PCID2: variants seen among roughly 807,000 people sequenced by gnomAD.
The protein encoded by PCID2 is PCI domain containing 2.
Under a neutral mutation model 61.3 loss-of-function variants are expected in PCID2, and 41 were observed. The ratio of observed to expected loss-of-function variants is 0.67; its 90% CI spans 0.52 to 0.87. The LOEUF (loss-of-function observed/expected upper bound fraction) is 0.87. PCID2 is among the 40% of genes least tolerant of loss of function. The pLI is 0.00. For missense variants in PCID2, 392 were observed against 493.4 expected (o/e 0.79, Z 1.95); for synonymous variants, 187 against 177.8 (o/e 1.05, Z -0.41).
intron 13 of PCID2, chr13:113,178,581 A>G (rs1245962011): frequency 2.5e-6 from 1 of 393,338 alleles, no homozygotes; most frequent in African/African-American, 2.0e-5. Flanking sequence ...ACAATACAGT[A>G]CAACAGCTAT....
chr13:113,171,932 A>G, the PCID2 span: 11 of 1,613,630 alleles, frequency 6.8e-6, no homozygotes, highest in Non-Finnish European at 9.3e-6. The surrounding 1 kb of genome is among the most constrained non-coding windows in gnomAD (Gnocchi z 5.1). Context: ...CTGTGAGAGA[A>G]GCAGCGTGGC....
At chr13:113,197,106 C>T in intron 4 of PCID2, 72 bp downstream of exon 4, 14 of 1,614,120 alleles carry the variant, frequency 8.7e-6, no homozygotes, top group South Asian at 1.1e-5. Context: ...CCAGTGTTTC[C>T]GGGTCTCAAG....
chr13:113,174,596 T>A (rs73579001), downstream of PCID2, among the ~76,000 whole-genome samples: 1 of 152,154 alleles, frequency 6.6e-6, no homozygotes, highest in African/African-American at 2.4e-5. Context: ...CTGGGCTCAA[T>A]TGACCCTCCC....
chr13:113,185,741 T>G (rs2038052698), intron 7 of PCID2, 181 bp from the exon 8 acceptor site: 15 of 482,162 alleles, frequency 3.1e-5, no homozygotes, highest in Non-Finnish European at 4.4e-5. Context: ...TGAAAAAAGA[T>G]GTCTTACCTG....
intron 5 of PCID2, among the ~76,000 whole-genome samples, chr13:113,195,623 C>T (rs1302844407): frequency 3.3e-5 from 5 of 151,556 alleles, no homozygotes; most frequent in South Asian, 4.2e-4. Context: ...GCCAAGACTG[C>T]GCCACTGCAC....
Position 113,208,582 on chromosome 13 carries a change from C to A in PCID2, c.36+17G>T, listed in dbSNP as rs771091575. 1.5e-5 allele frequency: 24 copies of A among 1,607,056 alleles called. No individual in the cohort carries two copies. In the South Asian group the frequency reaches 2.7e-4, roughly 18 times the overall value. ...AGGGCCAACCACGCCGCCGCGCGCT[C>A]CCCGGCTAGGACCCACCTGCTGCAG... is the stretch of plus-strand genomic sequence containing the variant. On this transcript the variant is annotated intron_variant, in intron 1 of 13. Coordinates refer to ENST00000337344, the MANE Select transcript of PCID2 (RefSeq NM_001127202.4).
intron 1 of PCID2, among the ~76,000 whole-genome samples, chr13:113,206,685 A>T (rs2039865362): frequency 6.6e-6 from 1 of 152,254 alleles, no homozygotes; most frequent in African/African-American, 2.4e-5. Context: ...AATATTCAAG[A>T]ATCTGTTAAT....
At chr13:113,194,271 G>A (rs2038840269) in intron 6 of PCID2, among the ~76,000 whole-genome samples, 1 of 152,194 alleles carries the variant, frequency 6.6e-6, no homozygotes, top group Non-Finnish European at 1.5e-5. Flanking sequence ...GTTCTGTCTT[G>A]CTGGATTGGA....
At chr13:113,166,132 C>T in the PCID2 span, 1 of 152,242 alleles carries the variant, frequency 6.6e-6, no homozygotes, top group Non-Finnish European at 1.5e-5. Flanking sequence ...CTGAGTATAT[C>T]CTTCAGAACA....
Position 113,177,939 on chromosome 13 carries a change from TCAAAGA to T in PCID2, c.*253_*258del. The T allele has an allele frequency of 3.3e-6, 1 of 301,774 alleles. No homozygotes were observed. Among genetic ancestry groups the T allele is most frequent in the South Asian group, 5.1e-5 (1 of 19,786 alleles). The allele number at this position is 301,774 out of a possible 1,614,324, so 18.7% of individuals were successfully genotyped here. On this transcript the variant is annotated 3_prime_UTR_variant, in exon 14 of 14. Transcript: ENST00000337344. ...GAGCAGCCTTCACGCAAAGCCTCCT[TCAAAGA>T]AGTCTCACAAAGACTCCAGAACCAG...
At chr13:113,199,747 G>GGTTGT (rs2039278909) in intron 2 of PCID2, among the ~76,000 whole-genome samples, 1 of 152,152 alleles carries the variant, frequency 6.6e-6, no homozygotes, top group Non-Finnish European at 1.5e-5. Context: ...TCTACACATA[G>GGTTGT]AATCACCTAG....
intron 10 of PCID2, 96 bp from the exon 11 acceptor site, chr13:113,180,327 G>A (rs1208960274): frequency 1.1e-6 from 1 of 911,844 alleles, no homozygotes; most frequent in African/African-American, 1.6e-5. Flanking sequence ...TAAGAAAATT[G>A]CAACCTGAGT....
At chr13:113,199,824 T>G (rs75820342) in intron 2 of PCID2, among the ~76,000 whole-genome samples, 2,602 of 152,240 alleles carry the variant, frequency 0.017, 69 homozygotes, top group African/African-American at 0.058. Context: ...CTGGTCTGAG[T>G]TGCAAGTCTG....
chr13:113,168,621 G>A, the PCID2 span, among the ~76,000 whole-genome samples: 2 of 152,192 alleles, frequency 1.3e-5, no homozygotes, highest in African/African-American at 4.8e-5. Context: ...CATGGATTTT[G>A]AATTTAATTA....
At chr13:113,201,955 A>C (rs1446012332) in intron 1 of PCID2, among the ~76,000 whole-genome samples, 1 of 152,220 alleles carries the variant, frequency 6.6e-6, no homozygotes, top group East Asian at 1.9e-4. Flanking sequence ...CGGGGATGTC[A>C]TAACATGCAT....
intron 13 of PCID2, among the ~76,000 whole-genome samples, chr13:113,178,714 C>G (rs1343812749): frequency 6.6e-6 from 1 of 152,110 alleles, no homozygotes; most frequent in Non-Finnish European, 1.5e-5. Context: ...ATTTTGGTAT[C>G]CGAGGGGGGT....
the PCID2 span, among the ~76,000 whole-genome samples, chr13:113,168,701 C>T: frequency 3.9e-5 from 6 of 152,148 alleles, no homozygotes; most frequent in Non-Finnish European, 5.9e-5. Context: ...GGGCTAATAT[C>T]GCTTGTCAAA....
At chr13:113,167,445 T>C in the PCID2 span, among the ~76,000 whole-genome samples, 1,551 of 152,304 alleles carry the variant, frequency 0.01, 23 homozygotes, top group African/African-American at 0.034. Flanking sequence ...ACTTAACACT[T>C]CCAGAGCCAG....
At chr13:113,168,275 A>G in the PCID2 span, among the ~76,000 whole-genome samples, 140,141 of 152,218 alleles carry the variant, frequency 0.92, 65,601 homozygotes, top group East Asian at 1. Context: ...GCTTTGTGTA[A>G]ATCCAGGCCT....
Sources: allele counts gnomAD v4.1 joint callset (sites outside exome capture counted in the v4.1 genomes callset), GRCh38; gene constraint gnomAD v4.1.1; non-coding constraint Gnocchi (gnomAD v3.1); transcripts MANE v1.5; gene names NCBI Gene and HGNC (gene_info 2026-07-23, HGNC 2026-07-21).